The following MPP7 variants were observed in gnomAD, a reference collection of about 807,000 sequenced individuals.
The protein encoded by MPP7 is MAGUK p55 subfamily member 7.
MPP7 carries 60 observed loss-of-function variants against 76.5 expected under a neutral mutation model. The ratio of observed to expected loss-of-function variants is 0.78; its 90% CI spans 0.64 to 0.97. MPP7 has a LOEUF of 0.97. Ranked by LOEUF, MPP7 falls within the 50% of genes least tolerant of loss-of-function variation. The pLI is 0.00. For missense variants in MPP7, 641 were observed against 694.0 expected, an observed-to-expected ratio of 0.92 and a Z score of 0.86; for synonymous variants, 237 against 244.5, an observed-to-expected ratio of 0.97 and a Z score of 0.29.
intron 1 of MPP7, among the ~76,000 whole-genome samples, chr10:28,265,286 T>C (rs1033997486): frequency 2.0e-5 from 3 of 152,182 alleles, no homozygotes; most frequent in Non-Finnish European, 2.9e-5. Context: ...ACGCTGGGCA[T>C]GGTGACTCAA....
chr10:28,219,556 T>TA (rs776853744), intron 2 of MPP7, among the ~76,000 whole-genome samples: 4 of 151,994 alleles, frequency 2.6e-5, no homozygotes, highest in South Asian at 2.1e-4. Context: ...TGTTAAATGA[T>TA]AAAAAAAGAT....
intron 1 of MPP7, among the ~76,000 whole-genome samples, chr10:28,253,155 C>G (rs1308696462): frequency 1.3e-5 from 2 of 152,200 alleles, no homozygotes; most frequent in Non-Finnish European, 2.9e-5. Context: ...ATCTACCCTC[C>G]TCGGCTTCCC....
intron 12 of MPP7, among the ~76,000 whole-genome samples, chr10:28,082,207 G>A (rs1399788825): frequency 2.0e-5 from 3 of 152,056 alleles, no homozygotes; most frequent in Non-Finnish European, 4.4e-5. Flanking sequence ...GAATAACCCA[G>A]AATTTCCAAA....
intron 3 of MPP7, among the ~76,000 whole-genome samples, chr10:28,160,292 T>G (rs10826409): frequency 0.48 from 72,913 of 152,000 alleles, 20,415 homozygotes; most frequent in Middle Eastern, 0.72. Context: ...CCCTCTTCCT[T>G]CTAGATTAAA....
chr10:28,198,568 C>CT (rs1837664525), intron 3 of MPP7, among the ~76,000 whole-genome samples: 1 of 140,720 alleles, frequency 7.1e-6, no homozygotes. Flanking sequence ...GAGCAAAACT[C>CT]TGTCTCAGAG....
At chr10:28,219,488 C>G (rs1172191028) in intron 2 of MPP7, among the ~76,000 whole-genome samples, 2 of 152,110 alleles carry the variant, frequency 1.3e-5, no homozygotes, top group Non-Finnish European at 2.9e-5. Context: ...TATCACCATT[C>G]TTGTCATATC....
chr10:28,156,073 A>C (rs2133802443), intron 3 of MPP7, among the ~76,000 whole-genome samples: 1 of 152,368 alleles, frequency 6.6e-6, no homozygotes, highest in East Asian at 1.9e-4. Flanking sequence ...TAGTATTTTC[A>C]CAGTTTTAAA....
At chr10:28,142,003 T>C (rs180814089) in intron 5 of MPP7, among the ~76,000 whole-genome samples, 1 of 152,230 alleles carries the variant, frequency 6.6e-6, no homozygotes, top group African/African-American at 2.4e-5. Context: ...CCACATCTTA[T>C]ACCATACACC....
chr10:28,262,275 A>ACATATATATATATATGTG (rs1840014464), intron 1 of MPP7, among the ~76,000 whole-genome samples: 1 of 24,664 alleles, frequency 4.1e-5, no homozygotes, highest in Non-Finnish European at 8.1e-5. Flanking sequence ...ATATATATAT[A>ACATATATATATATATGTG]TATTTTTTTT....
intron 1 of MPP7, among the ~76,000 whole-genome samples, chr10:28,263,194 C>T (rs1285261067): frequency 6.6e-6 from 1 of 152,134 alleles, no homozygotes; most frequent in Non-Finnish European, 1.5e-5. Flanking sequence ...ACCCAAATTT[C>T]TCTGGTGGTA....
chr10:28,069,485 T>A (rs1852124201), intron 13 of MPP7, among the ~76,000 whole-genome samples: 1 of 151,876 alleles, frequency 6.6e-6, no homozygotes, highest in Admixed American at 6.6e-5. Context: ...GTGCCTGTAC[T>A]CCCAGCTACT....
intron 1 of MPP7, among the ~76,000 whole-genome samples, chr10:28,285,370 A>G (rs1450411022): frequency 6.6e-6 from 1 of 152,146 alleles, no homozygotes; most frequent in Non-Finnish European, 1.5e-5. Flanking sequence ...TTTTTAGTAG[A>G]GACGGGGTTT....
At chr10:28,085,880 G>A (rs1370560086) in intron 12 of MPP7, among the ~76,000 whole-genome samples, 3 of 151,800 alleles carry the variant, frequency 2.0e-5, no homozygotes, top group Non-Finnish European at 4.4e-5. Context: ...AAAAGGGAGG[G>A]GACCAACCCA....
chr10:28,248,117 C>T (rs76252849), intron 1 of MPP7, among the ~76,000 whole-genome samples: 69 of 152,206 alleles, frequency 4.5e-4, no homozygotes, highest in African/African-American at 1.6e-3. Flanking sequence ...CCAAAAACCA[C>T]GGGAAATGGT....
At chr10:28,190,751 C>A in intron 3 of MPP7, among the ~76,000 whole-genome samples, 1 of 150,420 alleles carries the variant, frequency 6.6e-6, no homozygotes. Context: ...CTTTGGAAAC[C>A]AGAAAAAGAA....
intron 11 of MPP7, among the ~76,000 whole-genome samples, chr10:28,109,512 T>C (rs1191146077): frequency 1.3e-5 from 2 of 152,106 alleles, no homozygotes; most frequent in East Asian, 1.9e-4. Flanking sequence ...AATATAAAGA[T>C]AGGGCATCTG....
In MPP7 at chr10:28,054,061, T is replaced by C; in HGVS notation, c.*4A>G. 6.2e-7 allele frequency: 1 copy of C among 1,607,052 alleles called. No homozygotes were observed. Among genetic ancestry groups the C allele is most frequent in the Non-Finnish European group, 8.5e-7 (1 of 1,176,704 alleles). On this transcript the variant is annotated 3_prime_UTR_variant, in exon 17 of 17. Coordinates refer to ENST00000683449, the MANE Select transcript of MPP7 (RefSeq NM_001318170.2). ...AAAAAGACAATTATGGAAATTTCTC[T>C]TAGTTATGAATGTAACCAGCTCACT...
chr10:28,302,603 C>G (rs879623364), intron 1 of MPP7, among the ~76,000 whole-genome samples: 16 of 151,994 alleles, frequency 1.1e-4, no homozygotes, highest in Admixed American at 8.5e-4. Flanking sequence ...GAGTCCCGCG[C>G]GTCAACAGGG....
intron 11 of MPP7, among the ~76,000 whole-genome samples, chr10:28,090,893 A>T (rs1588753310): frequency 6.6e-6 from 1 of 152,216 alleles, no homozygotes; most frequent in East Asian, 1.9e-4. Context: ...CTATAATCCC[A>T]GCACTTTGGG....
Sources: allele counts gnomAD v4.1 joint callset (sites outside exome capture counted in the v4.1 genomes callset), GRCh38; gene constraint gnomAD v4.1.1; transcripts MANE v1.5; gene names NCBI Gene and HGNC (gene_info 2026-07-23, HGNC 2026-07-21).